COA1: variants seen among roughly 807,000 people sequenced by gnomAD.
COA1 encodes the protein cytochrome c oxidase assembly factor 1 homolog.
A neutral mutation model predicts 16.0 loss-of-function variants in COA1; 13 were observed. The ratio of observed to expected loss-of-function variants is 0.81; its 90% confidence interval spans 0.53 to 1.29. The LOEUF is 1.29. Ranked by LOEUF, COA1 falls within the 50% of genes most tolerant of loss-of-function variation. COA1 has a pLI of 0.00. For synonymous variants in COA1, 65 were observed against 65.7 expected, an observed-to-expected ratio of 0.99 and a Z score of 0.05; for missense variants, 179 against 177.0, an observed-to-expected ratio of 1.01 and a Z score of -0.06.
At chr7:43,665,602 T>C (rs1181951978) in intron 1 of COA1, 1 of 152,232 alleles carries the variant, frequency 6.6e-6, no homozygotes, top group African/African-American at 2.4e-5. Context: ...CACACTGCTA[T>C]AAAGATACCA....
intron 4 of COA1, among the ~76,000 whole-genome samples, chr7:43,643,041 T>A (rs1301024271): frequency 6.6e-6 from 1 of 152,172 alleles, no homozygotes; most frequent in Non-Finnish European, 1.5e-5. Flanking sequence ...GACTCTGAAC[T>A]CCTGTCACTG....
intron 3 of COA1, 65 bp from the exon 4 acceptor site, chr7:43,645,464 AAATT>A: frequency 7.0e-7 from 1 of 1,431,226 alleles, no homozygotes; most frequent in Non-Finnish European, 9.8e-7. Context: ...ACTACACAGA[AAATT>A]AAATAATCCA....
chr7:43,644,110 C>T (rs2088009993), intron 4 of COA1, among the ~76,000 whole-genome samples: 1 of 152,158 alleles, frequency 6.6e-6, no homozygotes, highest in African/African-American at 2.4e-5. Flanking sequence ...CAGTGATGAA[C>T]TTTCCCAGGC....
At chr7:43,676,282 CA>C (rs1015953758) in intron 1 of COA1, among the ~76,000 whole-genome samples, 26 of 152,064 alleles carry the variant, frequency 1.7e-4, no homozygotes, top group African/African-American at 6.0e-4. Flanking sequence ...GAAAAACTTA[CA>C]AACAATAAAA....
chr7:43,636,838 T>A (rs1399765279), downstream of COA1, among the ~76,000 whole-genome samples: 1 of 152,248 alleles, frequency 6.6e-6, no homozygotes, highest in East Asian at 1.9e-4. Flanking sequence ...TTCAGCACAA[T>A]CTCTGAAACC....
At chr7:43,641,902 G>A (rs1449826230) in intron 4 of COA1, 2 of 152,340 alleles carry the variant, frequency 1.3e-5, no homozygotes, top group African/African-American at 2.4e-5. Context: ...CAGTTAATAA[G>A]GAAGCCCATC....
At chr7:43,635,540 A>C (rs935217730), downstream of COA1, among the ~76,000 whole-genome samples, 3 of 152,222 alleles carry the variant, frequency 2.0e-5, no homozygotes, top group African/African-American at 7.2e-5. Flanking sequence ...GCTGGCACTT[A>C]AAACTTTTAC....
chr7:43,674,462 T>G (rs770419177), intron 1 of COA1, among the ~76,000 whole-genome samples: 1 of 152,230 alleles, frequency 6.6e-6, no homozygotes, highest in Non-Finnish European at 1.5e-5. Flanking sequence ...CAAAGCTTAC[T>G]TCTTTCTTGC....
At chr7:43,715,477 CAA>C (rs111522661) in intron 1 of COA1, among the ~76,000 whole-genome samples, 37 of 128,636 alleles carry the variant, frequency 2.9e-4, no homozygotes, top group South Asian at 2.5e-4. Context: ...GACTCTATCT[CAA>C]AAAAAAAAAA....
chr7:43,682,453 G>C (rs1359146766), intron 1 of COA1, among the ~76,000 whole-genome samples: 1 of 152,128 alleles, frequency 6.6e-6, no homozygotes, highest in African/African-American at 2.4e-5. Flanking sequence ...ATCTCTGTTT[G>C]AACATGGTCA....
At chr7:43,691,442 AAAG>A (rs1370515089) in intron 1 of COA1, among the ~76,000 whole-genome samples, 3 of 133,828 alleles carry the variant, frequency 2.2e-5, no homozygotes, top group African/African-American at 6.7e-5. Context: ...AGAAAGAAAG[AAAG>A]AAAGAAAGAA....
chr7:43,670,699 A>G (rs1229079527), intron 1 of COA1, among the ~76,000 whole-genome samples: 1 of 152,326 alleles, frequency 6.6e-6, no homozygotes, highest in East Asian at 1.9e-4. Flanking sequence ...GAAGAAAACA[A>G]TGTAATGCCC....
At chr7:43,640,698 G>T in intron 4 of COA1, 49 bp from the exon 5 acceptor site, 2 of 1,336,290 alleles carry the variant, frequency 1.5e-6, no homozygotes, top group Non-Finnish European at 2.1e-6. Context: ...GATAATTATT[G>T]TCATTTCAGA....
chr7:43,634,319 A>G (rs1049931068), downstream of COA1, among the ~76,000 whole-genome samples: 1 of 152,062 alleles, frequency 6.6e-6, no homozygotes, highest in Non-Finnish European at 1.5e-5. Flanking sequence ...ATGTTTTCGT[A>G]GGTCTACTCT....
At chr7:43,722,241 C>T (rs2095521505) in intron 1 of COA1, among the ~76,000 whole-genome samples, 2 of 152,018 alleles carry the variant, frequency 1.3e-5, no homozygotes, top group South Asian at 4.2e-4. Context: ...AAGGTGTGCA[C>T]CACCATGCCC....
At chr7:43,643,713 C>T (rs2087859357) in intron 4 of COA1, among the ~76,000 whole-genome samples, 1 of 152,214 alleles carries the variant, frequency 6.6e-6, no homozygotes, top group Non-Finnish European at 1.5e-5. Context: ...GGTTCATGCT[C>T]TCACCACTGC....
intron 1 of COA1, among the ~76,000 whole-genome samples, chr7:43,665,327 A>G (rs898233205): frequency 3.3e-5 from 5 of 152,368 alleles, no homozygotes; most frequent in African/African-American, 9.6e-5. Flanking sequence ...ATAGAGCGTC[A>G]AAATTAAGAA....
chr7:43,684,209 A>G (rs1001283294), intron 1 of COA1, among the ~76,000 whole-genome samples: 1 of 152,168 alleles, frequency 6.6e-6, no homozygotes, highest in Admixed American at 6.5e-5. Flanking sequence ...TCTCATAAGG[A>G]GCACTCAAAC....
chr7:43,679,577 C>A (rs1392733643), intron 1 of COA1, among the ~76,000 whole-genome samples: 4 of 152,218 alleles, frequency 2.6e-5, no homozygotes, highest in Admixed American at 6.5e-5. Flanking sequence ...TCTAACATCA[C>A]ACTGCTTTTC....
Sources: gnomAD v4.1 joint callset for allele counts (sites outside exome capture counted in the v4.1 genomes callset) on GRCh38, gnomAD v4.1.1 for gene constraint, MANE v1.5 for transcripts, NCBI Gene and HGNC (gene_info 2026-07-23, HGNC 2026-07-21) for gene names.